The following ARHGAP30 variants were observed in gnomAD, a reference collection of about 807,000 sequenced individuals.
The protein encoded by ARHGAP30 is Rho GTPase activating protein 30.
ARHGAP30 carries 23 observed loss-of-function variants against 72.0 expected under a neutral mutation model. The observed-to-expected ratio is 0.32, with a 90% CI of 0.23 to 0.45. The LOEUF is 0.45. ARHGAP30 is among the 20% of genes least tolerant of loss of function. ARHGAP30 has a pLI of 1.00. For missense variants in ARHGAP30, 1,319 were observed against 1,383.4 expected (o/e 0.95, Z 0.74); for synonymous variants, 576 against 528.2 (o/e 1.09, Z -1.24).
chr1:161,048,432 T>G lies in ARHGAP30; in HGVS notation c.2589A>C (p.Glu863Asp), dbSNP rs1396382239. 6.2e-7 allele frequency: 1 copy of G among 1,614,110 alleles called. No individual in the cohort carries two copies. Among genetic ancestry groups the G allele is most frequent in the Non-Finnish European group, 8.5e-7 (1 of 1,180,008 alleles). ...CCTCCAGGGACGCTACACCTGAACC[T>G]TCAGAGAGGGTGTCCTCTTCTAAAT... ...GYYLEEDTLS[E>D]GSGVASLEVD... Residue 863 changes from glutamate to aspartate, a missense_variant, in exon 12 of 12, where the codon GAA becomes GAC. Transcript: ENST00000368013.
At chr1:161,050,808 T>C (rs1007000618) in intron 10 of ARHGAP30, among the ~76,000 whole-genome samples, 5 of 151,760 alleles carry the variant, frequency 3.3e-5, no homozygotes, top group African/African-American at 1.2e-4. Context: ...ACCTGGCCAG[T>C]TTTTTGCATT....
At position 161,049,650 on chromosome 1, in the gene ARHGAP30, G is replaced by T. The variant is rs1039596140; in HGVS notation, c.1460C>A (p.Ala487Glu). ...AGCCAAGTCGTCTGGGCCTGAGTCT[G>T]CCAGGGGACTTGAGGCTGGACTTGC... ...LEASPASSPL[A>E]DSGPDDLAPA... Residue 487 changes from alanine (A) to glutamate (E), a missense_variant, in exon 11 of 12, where the codon GCA becomes GAA. Coordinates refer to ENST00000368013, the MANE Select transcript of ARHGAP30 (RefSeq NM_001025598.2). 1.9e-6 allele frequency: 3 copies of T among 1,613,958 alleles called. No homozygotes were observed. The highest frequency in any genetic ancestry group is 1.3e-5 in the African/African-American group (1 of 75,038).
At chr1:161,058,848 G>C (rs2102055795) in intron 2 of ARHGAP30, among the ~76,000 whole-genome samples, 1 of 126,110 alleles carries the variant, frequency 7.9e-6, no homozygotes, top group South Asian at 2.5e-4. Flanking sequence ...GCAACAGAGT[G>C]AGACTCTATC....
In ARHGAP30 at chr1:161,059,337, T is replaced by G. The variant is rs12081452; in HGVS notation, c.200+277A>C. Among the ~76,000 whole-genome samples the G allele has an allele frequency of 5.2e-3, 589 of 112,516 alleles. 3 individuals are homozygous for G. Among genetic ancestry groups the G allele is most frequent in the African/African-American group, 0.023 (557 of 24,660 alleles). 73.8% of individuals were successfully genotyped at this position (112,516 alleles called of 152,430 possible). ...AGCCACCGCGCCTGGCTCAAGTTTT[T>G]TTTTTTTTTTTTTTTTAAGCCGGGT... On this transcript the variant is annotated intron_variant, in intron 2 of 11. Coordinates refer to ENST00000368013, the MANE Select transcript of ARHGAP30 (RefSeq NM_001025598.2).
intron 9 of ARHGAP30, 54 bp from the exon 10 acceptor site, chr1:161,051,769 A>G (rs1651394137): frequency 7.4e-6 from 11 of 1,490,962 alleles, no homozygotes; most frequent in Non-Finnish European, 9.8e-6. Flanking sequence ...CAAGGGGCCT[A>G]GACATCTCAA....
chr1:161,051,422 C>T lies in ARHGAP30; in HGVS notation c.1312G>A (p.Val438Ile), dbSNP rs535759703. ...LSVPPNIISNVSLARLTRGLE... is the reference protein window; with the variant it reads ...LSVPPNIISNISLARLTRGLE... ...CCACGGGTGAGCCTGGCCAAGGAAA[C>T]GTTAGAGATGATGTTCGGGGGCACA... Residue 438 changes from valine (V) to isoleucine (I), a missense_variant, in exon 10 of 12, where the codon GTT becomes ATT. Transcript: ENST00000368013. 49 of 1,614,188 alleles carry T rather than the reference C, an allele frequency of 3.0e-5. No individual in the cohort carries two copies. The South Asian group carries it at 5.3e-4, about 17-fold the overall frequency.
chr1:161,056,370 C>G lies in ARHGAP30; in HGVS notation c.345+18G>C. 1.9e-6 allele frequency: 3 copies of G among 1,612,108 alleles called. No homozygotes were observed. The highest frequency in any genetic ancestry group is 1.7e-6 in the Non-Finnish European group (2 of 1,179,158). ...CACCCCTGAGCCCTGTCTTCCACCC[C>G]TCGGCCTCTCAACTCACAGCAAACT... On this transcript the variant is annotated intron_variant, in intron 3 of 11. Coordinates refer to ENST00000368013, the MANE Select transcript of ARHGAP30 (RefSeq NM_001025598.2).
intron 2 of ARHGAP30, among the ~76,000 whole-genome samples, 164 bp from the exon 3 acceptor site, chr1:161,056,696 T>A (rs898939529): frequency 6.6e-6 from 1 of 152,132 alleles, no homozygotes; most frequent in East Asian, 1.9e-4. Flanking sequence ...GTATAAGATA[T>A]TGCATATGTT....
At chr1:161,067,785 ATT>A (rs1183744140) in intron 1 of ARHGAP30, among the ~76,000 whole-genome samples, 1 of 152,058 alleles carries the variant, frequency 6.6e-6, no homozygotes, top group African/African-American at 2.4e-5. Context: ...CTCTGCTCTC[ATT>A]TTTTTGTGGA....
rs754004914 is a variant in ARHGAP30 at position 161,052,422 on chromosome 1, C to G, written c.940+18G>C. 1.2e-5 allele frequency: 20 copies of G among 1,613,880 alleles called. No homozygotes were observed. The highest frequency in any genetic ancestry group is 4.5e-5 in the East Asian group (2 of 44,844). Reference sequence around the variant, plus strand: ...TTGTGCACCCTCAGCAGAGCTCCCCCCATCTCCCCAGACTTACCCCTGTCC... The same window carrying G: ...TTGTGCACCCTCAGCAGAGCTCCCCGCATCTCCCCAGACTTACCCCTGTCC... On this transcript the variant is annotated intron_variant, in intron 8 of 11. Coordinates refer to ENST00000368013, the MANE Select transcript of ARHGAP30 (RefSeq NM_001025598.2).
At chr1:161,053,407 C>T (rs756487659) in intron 5 of ARHGAP30, 22 bp from the exon 6 acceptor site, 1 of 1,612,266 alleles carries the variant, frequency 6.2e-7, no homozygotes, top group Non-Finnish European at 8.5e-7. Context: ...TGGAATTATT[C>T]TCCCCCTCAG....
chr1:161,055,516 G>T (rs1268737143), intron 3 of ARHGAP30, among the ~76,000 whole-genome samples: 1 of 152,002 alleles, frequency 6.6e-6, no homozygotes, highest in African/African-American at 2.4e-5. Flanking sequence ...CAGGCTGGGC[G>T]CAGGGGCTCA....
intron 1 of ARHGAP30, among the ~76,000 whole-genome samples, chr1:161,067,570 A>AAAAGAAAG (rs60677751): frequency 0.39 from 58,451 of 148,882 alleles, 13,009 homozygotes; most frequent in Non-Finnish European, 0.5. Flanking sequence ...TCCATCTCAA[A>AAAAGAAAG]AAAGAAAGAA....
At chr1:161,055,856 TAAATA>T (rs1304261981) in intron 3 of ARHGAP30, among the ~76,000 whole-genome samples, 22 of 19,876 alleles carry the variant, frequency 1.1e-3, no homozygotes, top group East Asian at 4.1e-3. Context: ...TAAAATAAAA[TAAATA>T]AAATAAAATA....
At chr1:161,056,094 C>T (rs546185822) in intron 3 of ARHGAP30, among the ~76,000 whole-genome samples, 2 of 152,006 alleles carry the variant, frequency 1.3e-5, no homozygotes, top group Non-Finnish European at 2.9e-5. Context: ...CCAGCTACAA[C>T]AATCTGACCT....
At chr1:161,068,368 G>A (rs2101646168) in intron 1 of ARHGAP30, among the ~76,000 whole-genome samples, 1 of 152,298 alleles carries the variant, frequency 6.6e-6, no homozygotes, top group Non-Finnish European at 1.5e-5. Context: ...TGGGGTCTGG[G>A]CTTTCCCTTA....
intron 10 of ARHGAP30, among the ~76,000 whole-genome samples, chr1:161,050,126 G>C (rs1651241872): frequency 6.6e-6 from 1 of 152,012 alleles, no homozygotes; most frequent in Non-Finnish European, 1.5e-5. Context: ...TCAGGAACTG[G>C]AGTCAGAGCA....
At chr1:161,054,757 G>C in intron 3 of ARHGAP30, 52 bp from the exon 4 acceptor site, 1 of 1,520,038 alleles carries the variant, frequency 6.6e-7, no homozygotes, top group Non-Finnish European at 9.1e-7. Flanking sequence ...CAATGCCCCT[G>C]CTTACTCCCC....
At chr1:161,059,554 T>A in intron 2 of ARHGAP30, 60 bp downstream of exon 2, 1 of 1,449,234 alleles carries the variant, frequency 6.9e-7, no homozygotes, top group Non-Finnish European at 9.5e-7. Context: ...CAACTCTTAC[T>A]GTGACCTTCT....
Sources: allele counts gnomAD v4.1 joint callset (sites outside exome capture counted in the v4.1 genomes callset), GRCh38; gene constraint gnomAD v4.1.1; transcripts MANE v1.5; gene names NCBI Gene and HGNC (gene_info 2026-07-23, HGNC 2026-07-21).